The following CADPS variants were observed in gnomAD, a reference collection of about 807,000 sequenced individuals.
CADPS encodes the protein calcium-dependent secretion activator 1.
Under a neutral mutation model 167.3 loss-of-function variants are expected in CADPS, and 57 were observed. The observed-to-expected ratio is 0.34, with a 90% CI of 0.28 to 0.42. The LOEUF is 0.42. Ranked by LOEUF, CADPS falls within the 20% of genes least tolerant of loss-of-function variation. CADPS has a pLI of 1.00. For synonymous variants in CADPS, 676 were observed against 635.3 expected (o/e 1.06, Z -0.96); for missense variants, 1,414 against 1,738.1 (o/e 0.81, Z 3.32).
At chr3:62,847,277 TTAAC>T (rs2077638015) in intron 1 of CADPS, among the ~76,000 whole-genome samples, 1 of 149,264 alleles carries the variant, frequency 6.7e-6, no homozygotes, top group African/African-American at 2.5e-5. Context: ...TTTTTTTTTT[TTAAC>T]TTTTTTTTTT....
chr3:62,599,787 T>C (rs1358922909), intron 6 of CADPS, among the ~76,000 whole-genome samples: 1 of 29,604 alleles, frequency 3.4e-5, no homozygotes, highest in African/African-American at 1.6e-4. Flanking sequence ...ATATTATATA[T>C]AATATATATA....
At chr3:62,777,350 G>A (rs1346459283) in intron 1 of CADPS, among the ~76,000 whole-genome samples, 1 of 152,164 alleles carries the variant, frequency 6.6e-6, no homozygotes, top group Non-Finnish European at 1.5e-5. Context: ...GAGAGAGAAG[G>A]TACAAGTGAT....
In CADPS at chr3:62,528,529, A is replaced by T. The variant is rs1039305444; in HGVS notation, c.2291+4342T>A. Among the ~76,000 whole-genome samples, 113 of 152,300 alleles carry T rather than the reference A, an allele frequency of 7.4e-4. 1 individual carries two copies. Among genetic ancestry groups the T allele is most frequent in the African/African-American group, 2.5e-3 (104 of 41,572 alleles). ...CTTCGAAAACATTTTTATTTATGAAACCTGACGATGGACTATTTCACTTGT... is the reference window on the plus strand; with the variant it reads ...CTTCGAAAACATTTTTATTTATGAATCCTGACGATGGACTATTTCACTTGT... On this transcript the variant is annotated intron_variant, in intron 13 of 29. Coordinates refer to ENST00000383710, the MANE Select transcript of CADPS (RefSeq NM_003716.4).
chr3:62,456,317 A>T (rs190917259), intron 26 of CADPS, among the ~76,000 whole-genome samples: 1 of 152,296 alleles, frequency 6.6e-6, no homozygotes, highest in African/African-American at 2.4e-5. Context: ...TTATAAAGGG[A>T]AACATGTTTC....
rs183711950 is a variant in CADPS, at chr3:62,847,130, G to T, written c.441+27459C>A. Among the ~76,000 whole-genome samples, 109 of 152,258 alleles carry T rather than the reference G, an allele frequency of 7.2e-4. 1 individual carries two copies. Among genetic ancestry groups the T allele is most frequent in the African/African-American group, 2.3e-3 (94 of 41,550 alleles). ...GCCTCCTAAGTCCTTTTGACAGGAC[G>T]TTAGTAGTTTTGATGACTTTGTTAA... On this transcript the variant is annotated intron_variant, in intron 1 of 29. Coordinates refer to ENST00000383710, the MANE Select transcript of CADPS (RefSeq NM_003716.4).
intron 1 of CADPS, among the ~76,000 whole-genome samples, chr3:62,816,765 C>G (rs939618807): frequency 6.6e-6 from 1 of 152,070 alleles, no homozygotes; most frequent in African/African-American, 2.4e-5. Context: ...TTAGAGCAAA[C>G]CAAACAGAGC....
chr3:62,824,154 T>C (rs1429688700), intron 1 of CADPS, among the ~76,000 whole-genome samples: 1 of 139,920 alleles, frequency 7.1e-6, no homozygotes, highest in Non-Finnish European at 1.5e-5. Flanking sequence ...TTGGTACCTG[T>C]TGCTATAACT....
chr3:62,836,901 T>C (rs775358431), intron 1 of CADPS, among the ~76,000 whole-genome samples: 10 of 152,132 alleles, frequency 6.6e-5, no homozygotes, highest in Non-Finnish European at 2.9e-5. Flanking sequence ...AGGATGTCTA[T>C]AGTAATTAAG....
chr3:62,853,895 C>A (rs1021512689), intron 1 of CADPS, among the ~76,000 whole-genome samples: 3 of 151,832 alleles, frequency 2.0e-5, no homozygotes, highest in African/African-American at 7.3e-5. Context: ...GGTTGAGGCT[C>A]CAGTGACCTG....
chr3:62,666,470 C>T (rs2150610135), intron 3 of CADPS, among the ~76,000 whole-genome samples: 1 of 152,228 alleles, frequency 6.6e-6, no homozygotes, highest in Non-Finnish European at 1.5e-5. Flanking sequence ...TGGTCTTTTC[C>T]ACTGAGGAAA....
At chr3:62,841,611 G>A (rs1344067791) in intron 1 of CADPS, among the ~76,000 whole-genome samples, 1 of 152,166 alleles carries the variant, frequency 6.6e-6, no homozygotes, top group African/African-American at 2.4e-5. Context: ...CAGCCGCTCA[G>A]GAGGGTGAGG....
chr3:62,529,145 G>C (rs192462564), intron 13 of CADPS, among the ~76,000 whole-genome samples: 1 of 152,244 alleles, frequency 6.6e-6, no homozygotes, highest in African/African-American at 2.4e-5. Context: ...TGGGGCACAA[G>C]AGCGAGACTT....
chr3:62,798,178 G>A (rs1576553359), intron 1 of CADPS, among the ~76,000 whole-genome samples: 1 of 152,184 alleles, frequency 6.6e-6, no homozygotes, highest in African/African-American at 2.4e-5. Flanking sequence ...GCTCCTGGGT[G>A]TGTCTGTGAG....
chr3:62,784,784 G>A (rs1486252126), intron 1 of CADPS, among the ~76,000 whole-genome samples: 1 of 150,630 alleles, frequency 6.6e-6, no homozygotes, highest in Non-Finnish European at 1.5e-5. Flanking sequence ...TAGGGAGAGA[G>A]AAATTCTATA....
intron 28 of CADPS, among the ~76,000 whole-genome samples, chr3:62,434,330 T>G (rs1460521423): frequency 6.6e-6 from 1 of 152,190 alleles, no homozygotes; most frequent in African/African-American, 2.4e-5. Flanking sequence ...GGAAACAGTT[T>G]GCCGATTCTT....
chr3:62,432,074 G>A (rs779246035), intron 28 of CADPS, among the ~76,000 whole-genome samples: 4 of 151,686 alleles, frequency 2.6e-5, no homozygotes, highest in Admixed American at 6.6e-5. Flanking sequence ...CTGAAGTTCC[G>A]AAGGTTAATT....
intron 6 of CADPS, among the ~76,000 whole-genome samples, chr3:62,604,548 A>G (rs574815142): frequency 4.6e-5 from 7 of 152,364 alleles, no homozygotes; most frequent in Admixed American, 6.5e-5. Context: ...GGGCAACAGT[A>G]AAGTCTACAT....
intron 1 of CADPS, among the ~76,000 whole-genome samples, chr3:62,767,338 G>A (rs1170867580): frequency 6.6e-6 from 1 of 152,096 alleles, no homozygotes; most frequent in African/African-American, 2.4e-5. Flanking sequence ...AGCCTTTCTG[G>A]ATCAGGGCTG....
intron 28 of CADPS, among the ~76,000 whole-genome samples, chr3:62,413,188 T>C (rs750939653): frequency 6.6e-6 from 1 of 152,098 alleles, no homozygotes; most frequent in Non-Finnish European, 1.5e-5. Flanking sequence ...GAATACTACC[T>C]CCAACCCAAA....
Sources: gnomAD v4.1 joint callset for allele counts (sites outside exome capture counted in the v4.1 genomes callset) on GRCh38, gnomAD v4.1.1 for gene constraint, MANE v1.5 for transcripts, NCBI Gene and HGNC (gene_info 2026-07-23, HGNC 2026-07-21) for gene names.